Variants in COL28A1 observed in about 807,000 individuals in gnomAD.
The protein encoded by COL28A1 is collagen alpha-1(XXVIII) chain.
A neutral mutation model predicts 150.2 loss-of-function variants in COL28A1; 161 were observed. That is an observed-to-expected ratio of 1.07 (90% confidence interval 0.94 to 1.22). The LOEUF (loss-of-function observed/expected upper bound fraction) is 1.22. COL28A1 is among the 50% of genes most tolerant of loss of function. The pLI is 0.00. For missense variants in COL28A1, 1,617 were observed against 1,388.3 expected (o/e 1.16, Z -2.62); for synonymous variants, 552 against 469.7 (o/e 1.18, Z -2.26).
At chr7:7,445,737 T>C (rs184853545) in intron 18 of COL28A1, among the ~76,000 whole-genome samples, 13 of 151,866 alleles carry the variant, frequency 8.6e-5, no homozygotes, top group Admixed American at 5.9e-4. Flanking sequence ...CAACTTCAAC[T>C]AACCTAAACA....
chr7:7,484,105 G>A (rs918299557), intron 13 of COL28A1, among the ~76,000 whole-genome samples: 11 of 151,684 alleles, frequency 7.3e-5, no homozygotes, highest in African/African-American at 1.5e-4. Context: ...TTCATGAAAC[G>A]GTAAATCTGA....
chr7:7,373,410 A>C lies in COL28A1; in HGVS notation c.2496T>G (p.Leu832=). Residue 832 remains leucine (L), a synonymous_variant, in exon 32 of 35, where the codon CTT becomes CTG. Transcript: ENST00000399429. The surrounding 1 kb of genome is among the most constrained non-coding windows in gnomAD (Gnocchi z 4.1). ...KTMADRVALD[L]ATARIGIINY... Reference sequence around the variant, plus strand: ...TGATTATGCCTATGCGGGCCGTGGCAAGGTCCAGAGCAACCCGGTCAGCCA... The same window carrying C: ...TGATTATGCCTATGCGGGCCGTGGCCAGGTCCAGAGCAACCCGGTCAGCCA... The C allele has an allele frequency of 1.2e-6, 2 of 1,614,172 alleles. No homozygotes were observed. The highest frequency in any genetic ancestry group is 1.7e-6 in the Non-Finnish European group (2 of 1,180,044).
Position 7,417,919 on chromosome 7 carries a change from A to G in COL28A1, c.2076T>C (p.Thr692=), listed in dbSNP as rs1472674105. The G allele has an allele frequency of 1.2e-6, 2 of 1,608,136 alleles. No homozygotes were observed. The highest frequency in any genetic ancestry group is 3.4e-5 in the Admixed American group (2 of 58,078). Residue 692 remains threonine (T), a synonymous_variant, in exon 27 of 35, where the codon ACT becomes ACC. Transcript: ENST00000399429. The part of the protein sequence containing the change: ...GVGTQGPKGD[T]GQKGLPGPPG... ...GAGGGCCAGGCAAGCCTTTCTGCCC[A>G]GTATCACCCTGTTAGAAGATGGGGA...
At chr7:7,394,215 G>C (rs1296299753) in intron 27 of COL28A1, among the ~76,000 whole-genome samples, 2 of 152,092 alleles carry the variant, frequency 1.3e-5, no homozygotes, top group South Asian at 4.1e-4. Context: ...GTGCTTTCCA[G>C]GTGAGGCAAT....
At chr7:7,405,189 T>C (rs1783427199) in intron 27 of COL28A1, among the ~76,000 whole-genome samples, 1 of 152,222 alleles carries the variant, frequency 6.6e-6, no homozygotes, top group Non-Finnish European at 1.5e-5. Flanking sequence ...CTAATTTCCT[T>C]TATATGTAAA....
chr7:7,521,951 T>C lies in COL28A1; in HGVS notation c.713A>G (p.Lys238Arg). ...DILFEKKCER[K>R]ICECEKGDPG... The stretch of plus-strand genomic sequence containing the variant: ...ATCTCCCTTCTCACATTCACAAATC[T>C]TGCGTTCACACTGAATCAATAATGA... Residue 238 changes from lysine to arginine, a missense_variant, in exon 5 of 35, where the codon AAG becomes AGG. Transcript: ENST00000399429. 1 of 1,086,736 alleles carries C rather than the reference T, an allele frequency of 9.2e-7. No homozygotes were observed. The highest frequency in any genetic ancestry group is 1.4e-6 in the Non-Finnish European group (1 of 697,408). The allele number at this position is 1,086,736 out of a possible 1,614,324, so 67.3% of individuals were successfully genotyped here.
chr7:7,448,057 C>G (rs187392435), intron 18 of COL28A1, among the ~76,000 whole-genome samples: 29 of 152,232 alleles, frequency 1.9e-4, no homozygotes, highest in African/African-American at 6.3e-4. Context: ...AAGTGAGACT[C>G]TATCTCAAAA....
intron 33 of COL28A1, among the ~76,000 whole-genome samples, chr7:7,367,174 A>C (rs537076956): frequency 1.3e-5 from 2 of 152,344 alleles, no homozygotes; most frequent in South Asian, 4.1e-4. Context: ...GCAGGTTTGT[A>C]GCCTAGAAGC....
rs1271323086 is a variant in COL28A1, at chr7:7,373,502, C to T, written c.2404G>A (p.Val802Met). Residue 802 changes from valine (V) to methionine (M), a missense_variant, in exon 32 of 35, where the codon GTG becomes ATG. By Grantham distance (21) the Val-to-Met change is conservative. Coordinates refer to ENST00000399429, the MANE Select transcript of COL28A1 (RefSeq NM_001037763.3). This position sits in a 1 kb window ranked among gnomAD's most constrained non-coding sequence, Gnocchi z 4.1. ...CCCACGCTTTCTGAGCTGTCGATCA[C>T]AAACACCAGCTCTAGTGGAGTCTCT... ...CKETPLELVF[V>M]IDSSESVGPE... 6.2e-7 allele frequency: 1 copy of T among 1,613,764 alleles called. No individual in the cohort carries two copies. The highest frequency in any genetic ancestry group is 8.5e-7 in the Non-Finnish European group (1 of 1,180,000).
rs763588114 is a variant in COL28A1, at chr7:7,432,713, C to T, written c.1861-13G>A. 6.2e-7 allele frequency: 1 copy of T among 1,609,056 alleles called. No individual in the cohort carries two copies. The highest frequency in any genetic ancestry group is 1.1e-5 in the South Asian group (1 of 90,914). ...GGCCTTGGACACCCTGGGTAAATTCCAACATCAGTGATATCATGAGACTCA... is the reference window on the plus strand; with the variant it reads ...GGCCTTGGACACCCTGGGTAAATTCTAACATCAGTGATATCATGAGACTCA... On this transcript the variant is annotated splice_polypyrimidine_tract_variant and intron_variant, in intron 23 of 34. Transcript: ENST00000399429.
Position 7,452,365 on chromosome 7 carries a change from G to C in COL28A1, c.1463C>G (p.Pro488Arg), listed in dbSNP as rs148703211. The C allele has an allele frequency of 1.0e-3, 1,614 of 1,603,022 alleles. 21 individuals carry two copies. The East Asian group carries it at 0.015, about 15-fold the overall frequency. The change falls in exon 18 of 35, where the codon CCT (proline) becomes CGT (arginine). Residue 488 changes from proline to arginine, a missense_variant. By Grantham distance (103) the Pro-to-Arg change is moderately radical. Coordinates refer to ENST00000399429, the MANE Select transcript of COL28A1 (RefSeq NM_001037763.3). ...GSKGEVGQMG[P>R]TGPRGPVGIG... ...TCCCACTGGTCCTCGAGGGCCTGTA[G>C]GTCCCATTTGGCCTACTTCTCCCTA...
chr7:7,475,775 C>T (rs1788817552), intron 14 of COL28A1, among the ~76,000 whole-genome samples: 1 of 152,160 alleles, frequency 6.6e-6, no homozygotes, highest in African/African-American at 2.4e-5. Flanking sequence ...AAATCTCAAA[C>T]TGTGTATTAC....
intron 27 of COL28A1, 106 bp downstream of exon 27, chr7:7,417,753 A>G: frequency 1.1e-6 from 1 of 909,406 alleles, no homozygotes; most frequent in Non-Finnish European, 1.8e-6. Flanking sequence ...TGCGAGGCTC[A>G]CAATAAATCT....
At chr7:7,411,373 C>T (rs868586107) in intron 27 of COL28A1, among the ~76,000 whole-genome samples, 1 of 152,184 alleles carries the variant, frequency 6.6e-6, no homozygotes, top group South Asian at 2.1e-4. Context: ...ATTTATGCTA[C>T]ACTCTGCAAG....
At chr7:7,533,149 G>C (rs188174806) in intron 1 of COL28A1, among the ~76,000 whole-genome samples, 128 of 152,168 alleles carry the variant, frequency 8.4e-4, no homozygotes, top group Non-Finnish European at 7.4e-4. Context: ...CTATATTTAA[G>C]TATTCTTAAT....
chr7:7,532,459 G>A (rs1162192057), intron 2 of COL28A1, among the ~76,000 whole-genome samples: 1 of 151,700 alleles, frequency 6.6e-6, no homozygotes, highest in Non-Finnish European at 1.5e-5. Flanking sequence ...CACTCGACCT[G>A]TTAAGACCTC....
At chr7:7,339,739 G>T in the COL28A1 span, among the ~76,000 whole-genome samples, 1 of 152,040 alleles carries the variant, frequency 6.6e-6, no homozygotes, top group Admixed American at 6.6e-5. Flanking sequence ...ATGCTGTGTT[G>T]TCCACCAAAT....
At chr7:7,357,841 T>TA (rs1157091039), downstream of COL28A1, 1 of 152,292 alleles carries the variant, frequency 6.6e-6, no homozygotes, top group Non-Finnish European at 1.5e-5. Flanking sequence ...CTGTCTTTAA[T>TA]ACACACTGTT....
chr7:7,422,963 T>C (rs1784457372), intron 25 of COL28A1, among the ~76,000 whole-genome samples: 1 of 152,224 alleles, frequency 6.6e-6, no homozygotes, highest in African/African-American at 2.4e-5. Flanking sequence ...ATTTAAGAGC[T>C]ATTTCAATCA....
Sources: gnomAD v4.1 joint callset for allele counts (sites outside exome capture counted in the v4.1 genomes callset) on GRCh38, gnomAD v4.1.1 for gene constraint, Gnocchi (gnomAD v3.1) non-coding constraint, MANE v1.5 for transcripts, NCBI Gene and HGNC (gene_info 2026-07-23, HGNC 2026-07-21) for gene names.